MLLT1: variants seen among roughly 807,000 people sequenced by gnomAD.
The protein encoded by MLLT1 is MLLT1 super elongation complex subunit, also known as protein ENL.
Under a neutral mutation model 55.1 loss-of-function variants are expected in MLLT1, and 11 were observed. The ratio of observed to expected loss-of-function variants is 0.20; its 90% CI spans 0.13 to 0.33. The LOEUF (loss-of-function observed/expected upper bound fraction) is 0.33. MLLT1 is among the 10% of genes least tolerant of loss of function. The pLI, the probability that MLLT1 is intolerant of heterozygous loss-of-function variation, is 1.00. For missense variants in MLLT1, 536 were observed against 760.6 expected, an observed-to-expected ratio of 0.70 and a Z score of 3.47; for synonymous variants, 323 against 320.1, an observed-to-expected ratio of 1.01 and a Z score of -0.10.
chr19:6,238,071 T>C (rs905271110), intron 3 of MLLT1, among the ~76,000 whole-genome samples: 4 of 152,220 alleles, frequency 2.6e-5, no homozygotes, highest in African/African-American at 9.6e-5. Context: ...GGCCACTGCA[T>C]GCAACCTAGG....
At chr19:6,268,282 G>A (rs1321612570) in intron 2 of MLLT1, among the ~76,000 whole-genome samples, 1 of 152,164 alleles carries the variant, frequency 6.6e-6, no homozygotes, top group Non-Finnish European at 1.5e-5. Flanking sequence ...GCGAGTCACT[G>A]GACTATTAAA....
chr19:6,218,848 C>T lies in MLLT1; in HGVS notation c.1111-807G>A, dbSNP rs899242321. ...CCACATTTCTGCCAATGAGCTCATC[C>T]CAAGGGGTGTGCCAGAGGACATGGC... On this transcript the variant is annotated intron_variant, in intron 6 of 11. Coordinates refer to ENST00000252674, the MANE Select transcript of MLLT1 (RefSeq NM_005934.4). Among the ~76,000 whole-genome samples, 28 of 152,206 alleles carry T rather than the reference C, an allele frequency of 1.8e-4. 1 individual carries two copies. Among genetic ancestry groups the T allele is most frequent in the African/African-American group, 6.8e-4 (28 of 41,446 alleles).
chr19:6,263,878 A>G (rs1210615993), intron 2 of MLLT1, among the ~76,000 whole-genome samples: 1 of 145,284 alleles, frequency 6.9e-6, no homozygotes, highest in African/African-American at 2.6e-5. Context: ...AAGGTCCTGG[A>G]CTGGCTGAGC....
At chr19:6,232,754 G>A (rs1404788197) in intron 3 of MLLT1, among the ~76,000 whole-genome samples, 1 of 152,182 alleles carries the variant, frequency 6.6e-6, no homozygotes, top group African/African-American at 2.4e-5. Flanking sequence ...TGGGGGTGAT[G>A]AAAATATGCT....
intron 1 of MLLT1, among the ~76,000 whole-genome samples, chr19:6,278,198 C>T (rs1391432350): frequency 6.6e-6 from 1 of 152,198 alleles, no homozygotes; most frequent in Non-Finnish European, 1.5e-5. Flanking sequence ...CCCCACAACA[C>T]CTTTCCTGGC....
At position 6,222,666 on chromosome 19, in the gene MLLT1, T is replaced by C. The variant is rs780223829; in HGVS notation, c.565A>G (p.Ser189Gly). Residue 189 changes from serine (S) to glycine (G), a missense_variant, in exon 6 of 12, where the codon AGC becomes GGC. Transcript: ENST00000252674. This position sits in a 1 kb window ranked among gnomAD's most constrained non-coding sequence, Gnocchi z 4.1. ...ACCTTGTGTGGCTTGGAGGTCTTGC[T>C]GCTCTCCTTGTTGGCGTCCTGCAAG... ...HGSKDANKES[S>G]KTSKPHKVTK... 1.3e-6 allele frequency: 2 copies of C among 1,547,622 alleles called. No individual in the cohort carries two copies. The highest frequency in any genetic ancestry group is 1.7e-6 in the Non-Finnish European group (2 of 1,149,840).
At chr19:6,274,567 C>T (rs550529414) in intron 1 of MLLT1, among the ~76,000 whole-genome samples, 5 of 152,318 alleles carry the variant, frequency 3.3e-5, no homozygotes, top group Non-Finnish European at 5.9e-5. Context: ...CAGCAAGTTC[C>T]TTCAAGGCAC....
At chr19:6,215,758 A>G (rs946212322) in intron 8 of MLLT1, among the ~76,000 whole-genome samples, 1 of 152,032 alleles carries the variant, frequency 6.6e-6, no homozygotes, top group African/African-American at 2.4e-5. Context: ...CAGCTTTGGA[A>G]AAGCCTGGAC....
In MLLT1 at chr19:6,240,908, A is replaced by G. The variant is rs1371534565; in HGVS notation, c.277-10195T>C. The stretch of plus-strand genomic sequence containing the variant: ...TTTAAAATGCTCTCCATGGAAACAG[A>G]CGTTTTTAGACTTAAAGTTTGGCTT... On this transcript the variant is annotated intron_variant, in intron 3 of 11. Coordinates refer to ENST00000252674, the MANE Select transcript of MLLT1 (RefSeq NM_005934.4). The surrounding 1 kb of genome is among the most constrained non-coding windows in gnomAD (Gnocchi z 4.7). 6.6e-6 allele frequency among the ~76,000 whole-genome samples: 1 copy of G among 152,218 alleles called. No individual in the cohort carries two copies. Among genetic ancestry groups the G allele is most frequent in the East Asian group, 1.9e-4 (1 of 5,200 alleles).
intron 1 of MLLT1, among the ~76,000 whole-genome samples, chr19:6,275,162 G>A (rs2144967798): frequency 6.6e-6 from 1 of 152,320 alleles, no homozygotes; most frequent in Non-Finnish European, 1.5e-5. Context: ...ATTTCCCCTG[G>A]TCTTCTGGTG....
chr19:6,251,006 A>G (rs1044828671), intron 3 of MLLT1, among the ~76,000 whole-genome samples: 1 of 152,208 alleles, frequency 6.6e-6, no homozygotes, highest in Admixed American at 6.5e-5. Context: ...GTCACGTACT[A>G]TATGACTCCA....
chr19:6,269,647 G>A (rs2091379147), intron 2 of MLLT1, among the ~76,000 whole-genome samples: 1 of 152,140 alleles, frequency 6.6e-6, no homozygotes, highest in Non-Finnish European at 1.5e-5. Context: ...CGGGTCCCGG[G>A]AAGCTCTTGC....
intron 3 of MLLT1, among the ~76,000 whole-genome samples, chr19:6,236,494 G>A (rs574147424): frequency 7.4e-4 from 112 of 152,228 alleles, no homozygotes; most frequent in African/African-American, 2.3e-3. Flanking sequence ...GAGGAGACCC[G>A]GCATGTTCAC....
At chr19:6,249,614 G>A (rs959664888) in intron 3 of MLLT1, among the ~76,000 whole-genome samples, 1 of 152,172 alleles carries the variant, frequency 6.6e-6, no homozygotes, top group Admixed American at 6.5e-5. Context: ...GAGGCCACCC[G>A]GATCCCCCCT....
rs140269662 is a variant in MLLT1, at chr19:6,230,209, C to A, written c.420+361G>T. Among the ~76,000 whole-genome samples the A allele has an allele frequency of 1.3e-5, 2 of 152,224 alleles. No homozygotes were observed. Among genetic ancestry groups the A allele is most frequent in the Non-Finnish European group, 2.9e-5 (2 of 68,034 alleles). On this transcript the variant is annotated intron_variant, in intron 4 of 11. Transcript: ENST00000252674. This position sits in a 1 kb window ranked among gnomAD's most constrained non-coding sequence, Gnocchi z 9.0. ...CCCGAAGTCAGAGGTGATGGCGATG[C>A]GCACGGCAGGGGCCCTGTGCGGAGG...
rs1017197630 is a variant in MLLT1 at position 6,273,919 on chromosome 19, C to A, written c.13-3160G>T. ...GTTATTGTGAAAGAGTGAAAGACCG[C>A]GGTTCCACTGGAGAGGGGGAGGATG... On this transcript the variant is annotated intron_variant, in intron 1 of 11. Coordinates refer to ENST00000252674, the MANE Select transcript of MLLT1 (RefSeq NM_005934.4). The surrounding 1 kb of genome is among the most constrained non-coding windows in gnomAD (Gnocchi z 4.3). 6.6e-6 allele frequency among the ~76,000 whole-genome samples: 1 copy of A among 152,214 alleles called. No individual in the cohort carries two copies. Among genetic ancestry groups the A allele is most frequent in the Admixed American group, 6.5e-5 (1 of 15,288 alleles).
chr19:6,245,993 G>A (rs375599415), intron 3 of MLLT1, among the ~76,000 whole-genome samples: 22 of 152,004 alleles, frequency 1.4e-4, no homozygotes, highest in East Asian at 1.2e-3. Context: ...CAGGAGAATC[G>A]CTTGAACTCA....
At chr19:6,228,471 C>T (rs140053333) in intron 4 of MLLT1, among the ~76,000 whole-genome samples, 4 of 152,178 alleles carry the variant, frequency 2.6e-5, no homozygotes, top group African/African-American at 7.2e-5. Context: ...GGCTCCCCGG[C>T]GGAAACACAG....
intron 8 of MLLT1, 103 bp from the exon 9 acceptor site, chr19:6,214,141 C>A (rs2090814226): frequency 3.5e-6 from 2 of 569,658 alleles, no homozygotes; most frequent in African/African-American, 3.9e-5. Flanking sequence ...GTGCCTGAGC[C>A]CACACACCCC....
Sources: gnomAD v4.1 joint callset for allele counts (sites outside exome capture counted in the v4.1 genomes callset) on GRCh38, gnomAD v4.1.1 for gene constraint, Gnocchi (gnomAD v3.1) non-coding constraint, MANE v1.5 for transcripts, NCBI Gene and HGNC (gene_info 2026-07-23, HGNC 2026-07-21) for gene names.